Variants in DLGAP2 observed in about 807,000 individuals in gnomAD.
The protein encoded by DLGAP2 is DLG associated protein 2.
A neutral mutation model predicts 100.3 loss-of-function variants in DLGAP2; 26 were observed. The observed-to-expected ratio is 0.26, with a 90% confidence interval of 0.19 to 0.36. The LOEUF (loss-of-function observed/expected upper bound fraction) is 0.36. Among genes scored for constraint, DLGAP2 ranks in the 10% least tolerant of loss-of-function variants. DLGAP2 has a pLI of 1.00. For missense variants in DLGAP2, 1,858 were observed against 1,453.2 expected, an observed-to-expected ratio of 1.28 and a Z score of -4.53; for synonymous variants, 886 against 630.1, an observed-to-expected ratio of 1.41 and a Z score of -6.08.
intron 2 of DLGAP2, among the ~76,000 whole-genome samples, chr8:1,151,432 C>A (rs1209215353): frequency 6.6e-6 from 1 of 152,156 alleles, no homozygotes; most frequent in Admixed American, 6.6e-5. Context: ...AGGAAAAGGA[C>A]CTTTGGCCTA....
intron 2 of DLGAP2, among the ~76,000 whole-genome samples, chr8:1,208,958 C>G (rs1798051064): frequency 6.6e-6 from 1 of 151,804 alleles, no homozygotes; most frequent in African/African-American, 2.4e-5. Context: ...ACCTCTACAC[C>G]TCTACAAGGA....
chr8:1,197,760 G>C (rs1238052027), intron 2 of DLGAP2, among the ~76,000 whole-genome samples: 1 of 152,056 alleles, frequency 6.6e-6, no homozygotes, highest in Non-Finnish European at 1.5e-5. Flanking sequence ...CAATGTTGAG[G>C]GTCTGGGCCA....
At chr8:1,440,196 A>C (rs531720895) in intron 3 of DLGAP2, among the ~76,000 whole-genome samples, 1 of 152,342 alleles carries the variant, frequency 6.6e-6, no homozygotes, top group South Asian at 2.1e-4. Context: ...AACTTCCACC[A>C]AATATAAAAC....
chr8:1,076,683 C>G (rs1273060454), intron 2 of DLGAP2, among the ~76,000 whole-genome samples: 4 of 152,190 alleles, frequency 2.6e-5, no homozygotes, highest in African/African-American at 9.7e-5. Context: ...TCTTCCTCAT[C>G]GTTAAAGGCC....
chr8:895,608 A>C (rs185796162), intron 1 of DLGAP2, among the ~76,000 whole-genome samples: 72 of 152,264 alleles, frequency 4.7e-4, no homozygotes, highest in African/African-American at 1.6e-3. Flanking sequence ...GTTTGGGGCC[A>C]TTGCAGTGGG....
At chr8:1,478,166 C>A (rs17063939) in intron 3 of DLGAP2, among the ~76,000 whole-genome samples, 2 of 152,186 alleles carry the variant, frequency 1.3e-5, no homozygotes, top group Non-Finnish European at 2.9e-5. Context: ...TCTGTCCACT[C>A]TCTTCCATTC....
chr8:1,408,774 C>G (rs1796646264), intron 3 of DLGAP2, among the ~76,000 whole-genome samples: 1 of 152,120 alleles, frequency 6.6e-6, no homozygotes, highest in African/African-American at 2.4e-5. Context: ...CGTGGCAGCT[C>G]TACCACCAAG....
intron 3 of DLGAP2, among the ~76,000 whole-genome samples, chr8:1,418,818 G>A (rs1168399103): frequency 3.3e-5 from 5 of 152,222 alleles, no homozygotes; most frequent in Non-Finnish European, 5.9e-5. Context: ...GGTTAAGGAC[G>A]CAGCCCCGCA....
At chr8:1,206,377 G>C (rs866091291) in intron 2 of DLGAP2, among the ~76,000 whole-genome samples, 2 of 151,684 alleles carry the variant, frequency 1.3e-5, no homozygotes, top group Admixed American at 1.3e-4. Context: ...GGTAGACTGT[G>C]AGCGGTTAAT....
At chr8:1,414,055 G>C (rs117894190) in intron 3 of DLGAP2, among the ~76,000 whole-genome samples, 118 of 152,300 alleles carry the variant, frequency 7.7e-4, no homozygotes, top group East Asian at 6.4e-3. Context: ...TAGGAATTCT[G>C]CTTTTTCCTC....
At chr8:1,696,487 G>A (rs1799400720) in intron 13 of DLGAP2, among the ~76,000 whole-genome samples, 1 of 152,166 alleles carries the variant, frequency 6.6e-6, no homozygotes, top group African/African-American at 2.4e-5. Context: ...GACAGAGAAA[G>A]ACCCTGTCTC....
chr8:1,064,845 C>T (rs1432085167), intron 2 of DLGAP2, among the ~76,000 whole-genome samples: 2 of 152,196 alleles, frequency 1.3e-5, no homozygotes, highest in Non-Finnish European at 2.9e-5. Flanking sequence ...CCCCCCTCCA[C>T]CCTGACATGC....
rs530121524 is a variant in DLGAP2 at position 1,457,970 on chromosome 8, C to G, written c.107-43396C>G. Among the ~76,000 whole-genome samples the G allele has an allele frequency of 1.6e-3, 146 of 88,610 alleles. 1 individual carries two copies. The highest frequency in any genetic ancestry group is 5.5e-3 in the African/African-American group (137 of 25,052). 58.1% of individuals were successfully genotyped at this position (88,610 alleles called of 152,430 possible). On this transcript the variant is annotated intron_variant, in intron 3 of 14. Coordinates refer to ENST00000637795, the MANE Select transcript of DLGAP2 (RefSeq NM_001346810.2). ...AACTCCTGTCAATTGTCTCTGTTCT[C>G]TGATCATATATATATATATATATAT...
At chr8:1,339,965 A>C (rs566770202) in intron 3 of DLGAP2, among the ~76,000 whole-genome samples, 6 of 152,230 alleles carry the variant, frequency 3.9e-5, no homozygotes, top group African/African-American at 1.4e-4. Flanking sequence ...TTAAATGTAC[A>C]TGAGAAAATC....
chr8:1,583,300 T>C (rs1462238874), intron 6 of DLGAP2, among the ~76,000 whole-genome samples: 2 of 152,132 alleles, frequency 1.3e-5, no homozygotes, highest in Non-Finnish European at 2.9e-5. Flanking sequence ...ACACCAGCTA[T>C]TGATGGACGC....
At chr8:1,077,735 G>C (rs1276493543) in intron 2 of DLGAP2, among the ~76,000 whole-genome samples, 2 of 152,192 alleles carry the variant, frequency 1.3e-5, no homozygotes, top group African/African-American at 4.8e-5. Context: ...TTTCTGTAGA[G>C]AGATTAGCCC....
intron 2 of DLGAP2, among the ~76,000 whole-genome samples, chr8:1,141,865 T>C (rs1796527917): frequency 6.6e-6 from 1 of 152,202 alleles, no homozygotes; most frequent in South Asian, 2.1e-4. Flanking sequence ...ATGCTTTCTT[T>C]GTTTCTCTAA....
intron 2 of DLGAP2, among the ~76,000 whole-genome samples, chr8:1,088,199 C>T (rs778776002): frequency 6.6e-6 from 1 of 152,210 alleles, no homozygotes; most frequent in African/African-American, 2.4e-5. Context: ...GCAATTTCTG[C>T]ACTAGTCCTG....
chr8:1,344,094 C>T (rs1478749259), intron 3 of DLGAP2, among the ~76,000 whole-genome samples: 1 of 149,582 alleles, frequency 6.7e-6, no homozygotes, highest in African/African-American at 2.6e-5. Flanking sequence ...GTACTCGGGG[C>T]CCTGTCGTGG....
Sources: allele counts gnomAD v4.1 joint callset (sites outside exome capture counted in the v4.1 genomes callset), GRCh38; gene constraint gnomAD v4.1.1; transcripts MANE v1.5; gene names NCBI Gene and HGNC (gene_info 2026-07-23, HGNC 2026-07-21).